The following NFKBID variants were observed in gnomAD, a reference collection of about 807,000 sequenced individuals.
NFKBID encodes the protein NFKB inhibitor delta.
Under a neutral mutation model 53.4 loss-of-function variants are expected in NFKBID, and 26 were observed. The observed-to-expected ratio is 0.49, with a 90% confidence interval of 0.36 to 0.68. The LOEUF (loss-of-function observed/expected upper bound fraction) is 0.68. NFKBID is among the 30% of genes least tolerant of loss of function. The probability of loss-of-function intolerance (pLI) is 0.00; values close to 1 mark genes in which losing one functional copy is unlikely to be tolerated. For synonymous variants in NFKBID, 262 were observed against 259.8 expected, an observed-to-expected ratio of 1.01 and a Z score of -0.08; for missense variants, 493 against 614.1, an observed-to-expected ratio of 0.80 and a Z score of 2.08.
Position 35,896,098 on chromosome 19 carries a change from G to A in NFKBID, c.914C>T (p.Ala305Val). ...GGAAGGGCGCATAGCAACGTTAAGG[G>A]CCAGGATGGCCGTGTGGAGCGGGGT... Residue 305 changes from alanine to valine, a missense_variant, in exon 9 of 12, where the codon GCC becomes GTC. Coordinates refer to ENST00000641389, the Ensembl canonical transcript of NFKBID. This position sits in a 1 kb window ranked among gnomAD's most constrained non-coding sequence, Gnocchi z 5.7. 1 of 1,614,166 alleles carries A rather than the reference G, an allele frequency of 6.2e-7. No homozygotes were observed. The highest frequency in any genetic ancestry group is 1.1e-5 in the South Asian group (1 of 91,088).
exon 5 of NFKBID, chr19:35,897,039 G>A: frequency 3.1e-6 from 5 of 1,604,494 alleles, no homozygotes; most frequent in Non-Finnish European, 4.2e-6. Context: ...AGGGGGTGCA[G>A]AAACTCTCCA....
rs1335089690 is a variant in NFKBID at position 35,898,550 on chromosome 19, A to T, written c.166-18T>A. On this transcript the variant is annotated intron_variant, in intron 2 of 11. Transcript: ENST00000641389. ...AATTGTCCCTGTAGAGACAAAAGCA[A>T]AAAGGAACCCAGGTGACTTTATCTG... is the stretch of plus-strand genomic sequence containing the variant. 1 of 1,520,546 alleles carries T rather than the reference A, an allele frequency of 6.6e-7. No individual in the cohort carries two copies. The highest frequency in any genetic ancestry group is 1.4e-5 in the African/African-American group (1 of 71,656). The allele number at this position is 1,520,546 out of a possible 1,614,324, so 94.2% of individuals were successfully genotyped here.
At chr19:35,894,093 T>C (rs1974965727) in intron 9 of NFKBID, among the ~76,000 whole-genome samples, 2 of 150,706 alleles carry the variant, frequency 1.3e-5, no homozygotes, top group Admixed American at 1.3e-4. Context: ...CCCGTCTCCA[T>C]TAAAAATACA....
exon 4 of NFKBID, chr19:35,897,855 G>T: frequency 5.8e-6 from 9 of 1,543,106 alleles, no homozygotes; most frequent in Non-Finnish European, 7.8e-6. Context: ...AGGGAGGGTG[G>T]CCTGCGTGTA....
At chr19:35,900,727 A>G (rs973314779), upstream of NFKBID, 3 of 1,032,948 alleles carry the variant, frequency 2.9e-6, no homozygotes, top group Admixed American at 1.3e-4. Flanking sequence ...GCTGGGGTCC[A>G]GATCTTTGCT....
chr19:35,896,609 A>AT lies in NFKBID; in HGVS notation c.685-72dup. The AT allele has an allele frequency of 2.5e-6, 3 of 1,204,302 alleles. No homozygotes were observed. The highest frequency in any genetic ancestry group is 3.5e-6 in the Non-Finnish European group (3 of 847,006). The allele number at this position is 1,204,302 out of a possible 1,614,324, so 74.6% of individuals were successfully genotyped here. On this transcript the variant is annotated intron_variant, in intron 6 of 11. Coordinates refer to ENST00000641389, the Ensembl canonical transcript of NFKBID. This position sits in a 1 kb window ranked among gnomAD's most constrained non-coding sequence, Gnocchi z 5.7. ...GTCAGAAAACCAGGCTCCCAGCCCCATCCCCCCTCAGCCCCAGGAGCTCAC... is the reference window on the plus strand; with the variant it reads ...GTCAGAAAACCAGGCTCCCAGCCCCATTCCCCCCTCAGCCCCAGGAGCTCAC...
In NFKBID at chr19:35,896,305, T is replaced by A; in HGVS notation, c.832-36A>T. 1 of 1,613,936 alleles carries A rather than the reference T, an allele frequency of 6.2e-7. No individual in the cohort carries two copies. On this transcript the variant is annotated intron_variant, in intron 7 of 11. Transcript: ENST00000641389. The surrounding 1 kb of genome is among the most constrained non-coding windows in gnomAD (Gnocchi z 5.7). The stretch of plus-strand genomic sequence containing the variant: ...GAGAAGGCAGACTGCTGGGTAAGGG[T>A]ATCCCCTGGCCTCCTGGCCCTGGAA...
intron 10 of NFKBID, 127 bp downstream of exon 10, chr19:35,890,234 TCTGTGTCTGCTTC>T: frequency 1.2e-6 from 1 of 846,094 alleles, no homozygotes. Context: ...TCTGGGGCAA[TCTGTGTCTGCTTC>T]CTATACTTTC....
chr19:35,890,148 A>C, intron 10 of NFKBID, 94 bp from the exon 11 acceptor site: 1 of 1,325,480 alleles, frequency 7.5e-7, no homozygotes, highest in South Asian at 1.3e-5. Flanking sequence ...TACGTCCTAC[A>C]CTTGTCCTTT....
chr19:35,894,999 GAAA>G (rs774286963), intron 9 of NFKBID, among the ~76,000 whole-genome samples: 179 of 139,042 alleles, frequency 1.3e-3, no homozygotes, highest in Admixed American at 5.0e-3. Context: ...ATCTCAAAAA[GAAA>G]AAAAAAAAGA....
chr19:35,890,377 C>T, exon 10 of NFKBID: 5 of 1,608,724 alleles, frequency 3.1e-6, no homozygotes, highest in Non-Finnish European at 4.3e-6. Flanking sequence ...CTCCCACCTT[C>T]ATGTTGACAA....
chr19:35,901,053 G>GA (rs1302283424), upstream of NFKBID, among the ~76,000 whole-genome samples: 3 of 151,876 alleles, frequency 2.0e-5, no homozygotes, highest in Admixed American at 6.6e-5. Flanking sequence ...GGCTGGTCTC[G>GA]AACTCCTGGC....
At chr19:35,899,253 G>A (rs1465755761) in intron 1 of NFKBID, among the ~76,000 whole-genome samples, 1 of 152,120 alleles carries the variant, frequency 6.6e-6, no homozygotes, top group African/African-American at 2.4e-5. Flanking sequence ...CCGGAAATCA[G>A]GAGTCCCCAG....
At chr19:35,897,804 G>A in exon 4 of NFKBID, 1 of 1,593,448 alleles carries the variant, frequency 6.3e-7, no homozygotes, top group Non-Finnish European at 8.5e-7. Flanking sequence ...GAAAGCCCAG[G>A]CTGCTAGGTC....
At chr19:35,891,475 T>C (rs1252469065) in intron 9 of NFKBID, among the ~76,000 whole-genome samples, 1 of 152,128 alleles carries the variant, frequency 6.6e-6, no homozygotes, top group Non-Finnish European at 1.5e-5. Context: ...AAATTATCAT[T>C]TTACAGCCAA....
chr19:35,900,827 CTTTTTTTT>C (rs60365058), upstream of NFKBID, among the ~76,000 whole-genome samples: 21 of 107,590 alleles, frequency 2.0e-4, no homozygotes, highest in African/African-American at 3.2e-4. Flanking sequence ...TTTTTCTTTT[CTTTTTTTT>C]TTTTTTTTTT....
chr19:35,890,688 A>T, intron 9 of NFKBID, 198 bp from the exon 10 acceptor site: 1 of 641,140 alleles, frequency 1.6e-6, no homozygotes, highest in Non-Finnish European at 2.9e-6. Flanking sequence ...ACACAGCAAG[A>T]CCTCATCTCT....
At position 35,896,713 on chromosome 19, in the gene NFKBID, C is replaced by A. The variant is rs757701798; in HGVS notation, c.684+13G>T. ...TCCCCTGAACCCAGGAGAGTTCAGG[C>A]CCCAAGCCTCACCTTGCCCTTATGC... is the stretch of plus-strand genomic sequence containing the variant. On this transcript the variant is annotated intron_variant, in intron 6 of 11. Coordinates refer to ENST00000641389, the Ensembl canonical transcript of NFKBID. This position sits in a 1 kb window ranked among gnomAD's most constrained non-coding sequence, Gnocchi z 5.7. 8.7e-6 allele frequency: 14 copies of A among 1,611,234 alleles called. No individual in the cohort carries two copies. Among genetic ancestry groups the A allele is most frequent in the Non-Finnish European group, 1.2e-5 (14 of 1,177,910 alleles).
chr19:35,893,734 G>A (rs1214368042), intron 9 of NFKBID, among the ~76,000 whole-genome samples: 3 of 151,612 alleles, frequency 2.0e-5, no homozygotes, highest in Non-Finnish European at 1.5e-5. Flanking sequence ...GCAGGAGAAT[G>A]GTGTGAACCC....
Sources: allele counts gnomAD v4.1 joint callset (sites outside exome capture counted in the v4.1 genomes callset), GRCh38; gene constraint gnomAD v4.1.1; non-coding constraint Gnocchi (gnomAD v3.1); transcripts MANE v1.5; gene names NCBI Gene and HGNC (gene_info 2026-07-23, HGNC 2026-07-21).